The following MIS18A variants were observed in gnomAD, a reference collection of about 807,000 sequenced individuals.
The protein encoded by MIS18A is protein Mis18-alpha.
In MIS18A, 14 loss-of-function variants were observed where a neutral mutation model predicts 25.0. The ratio of observed to expected loss-of-function variants is 0.56; its 90% confidence interval spans 0.37 to 0.88. The LOEUF is 0.88. MIS18A is among the 40% of genes least tolerant of loss of function. The pLI, the probability that MIS18A is intolerant of heterozygous loss-of-function variation, is 0.00. For synonymous variants in MIS18A, 134 were observed against 118.6 expected (o/e 1.13, Z -0.84); for missense variants, 292 against 290.8 (o/e 1.00, Z -0.03).
chr21:32,248,112 C>T, the MIS18A span, among the ~76,000 whole-genome samples: 1 of 152,302 alleles, frequency 6.6e-6, no homozygotes, highest in African/African-American at 2.4e-5. Flanking sequence ...CCCTGTGGCT[C>T]CCAGGCTACA....
chr21:32,239,284 AG>A, the MIS18A span, among the ~76,000 whole-genome samples: 2 of 152,180 alleles, frequency 1.3e-5, no homozygotes, highest in Non-Finnish European at 2.9e-5. Context: ...TATTATTATT[AG>A]GGGTTAGTTT....
chr21:32,215,842 A>C, the MIS18A span, among the ~76,000 whole-genome samples: 2 of 152,174 alleles, frequency 1.3e-5, no homozygotes, highest in Non-Finnish European at 2.9e-5. Context: ...CATTTTAGTA[A>C]AAATTATTTT....
At position 32,279,026 on chromosome 21, in the gene MIS18A, C is replaced by A; in HGVS notation, c.-12G>T. 1 of 1,583,684 alleles carries A rather than the reference C, an allele frequency of 6.3e-7. No individual in the cohort carries two copies. Reference sequence around the variant, plus strand: ...CGAACGCCTGCCATTACCTACAAATCGCCCGCGCCCCAGAGCGCCATGGGA... The same window carrying A: ...CGAACGCCTGCCATTACCTACAAATAGCCCGCGCCCCAGAGCGCCATGGGA... On this transcript the variant is annotated 5_prime_UTR_variant, in exon 1 of 5. Transcript: ENST00000290130.
chr21:32,224,192 G>A, the MIS18A span, among the ~76,000 whole-genome samples: 1 of 150,448 alleles, frequency 6.6e-6, no homozygotes, highest in Non-Finnish European at 1.5e-5. Context: ...GCAAAAACTG[G>A]AAGCATTCCC....
the MIS18A span, among the ~76,000 whole-genome samples, chr21:32,159,213 C>A: frequency 3.2e-4 from 49 of 152,250 alleles, no homozygotes; most frequent in African/African-American, 1.2e-3. Flanking sequence ...TAAATTATGA[C>A]AACTTTGTTT....
the MIS18A span, among the ~76,000 whole-genome samples, chr21:32,205,266 G>A: frequency 1.8e-4 from 28 of 151,620 alleles, no homozygotes; most frequent in Middle Eastern, 3.4e-3. Context: ...CACCACGCCC[G>A]GCTAATTTTT....
downstream of MIS18A, among the ~76,000 whole-genome samples, chr21:32,263,828 G>C (rs1444175269): frequency 4.3e-5 from 6 of 140,200 alleles, no homozygotes; most frequent in Admixed American, 2.9e-4. Flanking sequence ...TTTTTTTTAA[G>C]CACTTTCTGA....
chr21:32,204,865 C>T, the MIS18A span, among the ~76,000 whole-genome samples: 250 of 152,046 alleles, frequency 1.6e-3, 4 homozygotes, highest in East Asian at 0.034. Flanking sequence ...CTAGCCTGGG[C>T]GACAGAGCAA....
the MIS18A span, among the ~76,000 whole-genome samples, chr21:32,257,262 G>T: frequency 2.0e-5 from 3 of 152,340 alleles, no homozygotes; most frequent in African/African-American, 7.2e-5. Flanking sequence ...GATGGCAAAA[G>T]GAATAACCAG....
chr21:32,161,331 A>G, the MIS18A span, among the ~76,000 whole-genome samples: 2 of 152,098 alleles, frequency 1.3e-5, no homozygotes, highest in Non-Finnish European at 2.9e-5. Context: ...TGACCTTGAC[A>G]GTTATGAAGA....
At chr21:32,211,946 C>T in the MIS18A span, among the ~76,000 whole-genome samples, 2 of 152,194 alleles carry the variant, frequency 1.3e-5, no homozygotes, top group African/African-American at 4.8e-5. Context: ...GGCCCATACC[C>T]TATCTCTCCC....
At chr21:32,241,928 G>A in the MIS18A span, among the ~76,000 whole-genome samples, 1 of 152,226 alleles carries the variant, frequency 6.6e-6, no homozygotes, top group African/African-American at 2.4e-5. Flanking sequence ...GCCCAGGCTG[G>A]AGTGCAGTGG....
the MIS18A span, among the ~76,000 whole-genome samples, chr21:32,189,000 G>T: frequency 6.6e-6 from 1 of 152,224 alleles, no homozygotes; most frequent in Admixed American, 6.5e-5. Flanking sequence ...TTTTCTCAAG[G>T]TTGTGTTTCT....
downstream of MIS18A, chr21:32,268,126 C>T (rs570572929): frequency 1.3e-5 from 2 of 152,218 alleles, no homozygotes; most frequent in Admixed American, 6.5e-5. Flanking sequence ...CCTGAGCAGG[C>T]CTTCCACACT....
chr21:32,259,807 G>A, the MIS18A span: 1 of 152,152 alleles, frequency 6.6e-6, no homozygotes, highest in Non-Finnish European at 1.5e-5. Flanking sequence ...CATTGTATTT[G>A]GTTATGAAGA....
chr21:32,190,908 C>A, the MIS18A span, among the ~76,000 whole-genome samples: 1 of 152,234 alleles, frequency 6.6e-6, no homozygotes, highest in Non-Finnish European at 1.5e-5. Context: ...ATTGAATATG[C>A]AAAATGGAGT....
the MIS18A span, among the ~76,000 whole-genome samples, chr21:32,205,872 C>G: frequency 2.6e-5 from 4 of 152,130 alleles, no homozygotes; most frequent in African/African-American, 7.2e-5. Flanking sequence ...CAAGAAAGGT[C>G]AGATTTGCCA....
At chr21:32,262,703 T>C in the MIS18A span, among the ~76,000 whole-genome samples, 1 of 152,146 alleles carries the variant, frequency 6.6e-6, no homozygotes, top group Non-Finnish European at 1.5e-5. Context: ...AGAGAAGAAC[T>C]AAAAACCATG....
At chr21:32,164,778 A>AG in the MIS18A span, among the ~76,000 whole-genome samples, 2 of 152,146 alleles carry the variant, frequency 1.3e-5, no homozygotes, top group Non-Finnish European at 2.9e-5. Flanking sequence ...ATTTAAAAAA[A>AG]GTCAGGGGGT....
Sources: allele counts gnomAD v4.1 joint callset (sites outside exome capture counted in the v4.1 genomes callset), GRCh38; gene constraint gnomAD v4.1.1; transcripts MANE v1.5; gene names NCBI Gene and HGNC (gene_info 2026-07-23, HGNC 2026-07-21).